The following WDFY1 variants were observed in gnomAD, a reference collection of about 807,000 sequenced individuals.
WDFY1 encodes WD repeat and FYVE domain-containing protein 1.
WDFY1 carries 32 observed loss-of-function variants against 56.4 expected under a neutral mutation model. The observed-to-expected ratio is 0.57, with a 90% CI of 0.43 to 0.76. WDFY1 has a LOEUF of 0.76. WDFY1 is among the 30% of genes least tolerant of loss of function. WDFY1 has a pLI of 0.00. For missense variants in WDFY1, 480 were observed against 545.7 expected, an observed-to-expected ratio of 0.88 and a Z score of 1.20; for synonymous variants, 192 against 197.3, an observed-to-expected ratio of 0.97 and a Z score of 0.23.
At chr2:223,917,514 T>C (rs1198583146) in intron 2 of WDFY1, among the ~76,000 whole-genome samples, 1 of 152,178 alleles carries the variant, frequency 6.6e-6, no homozygotes, top group Non-Finnish European at 1.5e-5. Flanking sequence ...TCAGAGGTAT[T>C]AGGCAACTAA....
At chr2:223,935,453 TAAC>T (rs1198623324) in intron 1 of WDFY1, among the ~76,000 whole-genome samples, 6 of 152,354 alleles carry the variant, frequency 3.9e-5, no homozygotes, top group Admixed American at 6.5e-5. Context: ...AATAATGTCT[TAAC>T]AACTCTCAGA....
chr2:223,879,564 G>A (rs2106068565), intron 11 of WDFY1, among the ~76,000 whole-genome samples: 1 of 152,108 alleles, frequency 6.6e-6, no homozygotes, highest in African/African-American at 2.4e-5. Context: ...GAAGGCTGAG[G>A]TGGGAAGATT....
intron 9 of WDFY1, among the ~76,000 whole-genome samples, chr2:223,882,493 C>T (rs955851847): frequency 6.6e-5 from 10 of 152,160 alleles, no homozygotes; most frequent in African/African-American, 2.2e-4. Flanking sequence ...ATTGCAATCA[C>T]CCCAATTCAA....
chr2:223,886,749 A>AAAG (rs1693181069), intron 8 of WDFY1, among the ~76,000 whole-genome samples: 1 of 150,572 alleles, frequency 6.6e-6, no homozygotes, highest in Non-Finnish European at 1.5e-5. Context: ...AAAAAAAAAA[A>AAAG]GCCTGTTTAA....
At chr2:223,884,804 T>C in intron 8 of WDFY1, 55 bp from the exon 9 acceptor site, 1 of 1,484,784 alleles carries the variant, frequency 6.7e-7, no homozygotes, top group African/African-American at 1.4e-5. Context: ...TACTCCCATG[T>C]TTCAAAATTA....
intron 6 of WDFY1, among the ~76,000 whole-genome samples, chr2:223,897,793 T>G (rs982828957): frequency 2.6e-5 from 4 of 152,026 alleles, no homozygotes; most frequent in African/African-American, 9.7e-5. Flanking sequence ...GTGCTCTCCT[T>G]GAGTCAGTAA....
intron 1 of WDFY1, among the ~76,000 whole-genome samples, chr2:223,931,403 G>T (rs1357398277): frequency 6.6e-6 from 1 of 152,184 alleles, no homozygotes; most frequent in African/African-American, 2.4e-5. Context: ...AGAATAAAGT[G>T]TTTATTCCAG....
chr2:223,890,049 A>G (rs1208701918), intron 8 of WDFY1, among the ~76,000 whole-genome samples: 1 of 152,200 alleles, frequency 6.6e-6, no homozygotes, highest in Non-Finnish European at 1.5e-5. Flanking sequence ...TATGCTCCAC[A>G]CAGCCTCTGT....
chr2:223,880,282 C>T (rs1328304407), intron 10 of WDFY1, 50 bp from the exon 11 acceptor site: 1 of 1,550,158 alleles, frequency 6.5e-7, no homozygotes, highest in Admixed American at 1.7e-5. Flanking sequence ...GTACCTAGAG[C>T]TAGTGGGGTA....
intron 9 of WDFY1, among the ~76,000 whole-genome samples, chr2:223,884,405 C>G (rs1204802549): frequency 2.0e-5 from 3 of 152,156 alleles, no homozygotes; most frequent in African/African-American, 7.2e-5. Flanking sequence ...AATAGGCTCT[C>G]AGGATTTTCT....
In WDFY1 at chr2:223,929,180, CTGTTTTT is replaced by C. The variant is rs770924235; in HGVS notation, c.138-11177_138-11171del. On this transcript the variant is annotated intron_variant, in intron 1 of 11. Transcript: ENST00000233055. ...GTCTAACTTCTTTTTTTTTTTCTTTCTGTTTTTTGTTTTTTTTTTTTTTTGAGACAGA... is the reference window on the plus strand; with the variant it reads ...GTCTAACTTCTTTTTTTTTTTCTTTCTGTTTTTTTTTTTTTTTGAGACAGA... Among the ~76,000 whole-genome samples the C allele has an allele frequency of 5.4e-3, 237 of 43,774 alleles. 4 individuals carry two copies. Among genetic ancestry groups the C allele is most frequent in the Middle Eastern group, 0.043 (3 of 70 alleles). 28.7% of individuals were successfully genotyped at this position (43,774 alleles called of 152,430 possible). A position where few individuals can be genotyped will look rare whatever the true frequency, so the allele number is the denominator to read the frequency against.
chr2:223,908,034 T>A (rs929386191), intron 3 of WDFY1, among the ~76,000 whole-genome samples: 5 of 114,052 alleles, frequency 4.4e-5, no homozygotes, highest in South Asian at 3.5e-4. Flanking sequence ...AATTTTTTTA[T>A]TTTTTGTAGA....
At chr2:223,901,018 T>A in intron 5 of WDFY1, 165 bp downstream of exon 5, 2 of 834,672 alleles carry the variant, frequency 2.4e-6, no homozygotes, top group Non-Finnish European at 3.4e-6. Context: ...AATTGCAATT[T>A]TTGCAATTAC....
chr2:223,920,214 AAG>A (rs1693865951), intron 1 of WDFY1, among the ~76,000 whole-genome samples: 1 of 152,230 alleles, frequency 6.6e-6, no homozygotes, highest in African/African-American at 2.4e-5. Flanking sequence ...GATCTTTAAG[AAG>A]CATCAGCAGC....
chr2:223,925,593 T>A (rs539510147), intron 1 of WDFY1, among the ~76,000 whole-genome samples: 3 of 152,302 alleles, frequency 2.0e-5, no homozygotes, highest in Admixed American at 1.3e-4. Flanking sequence ...AGAAGTTTGT[T>A]GCATCGATTG....
intron 1 of WDFY1, among the ~76,000 whole-genome samples, chr2:223,918,823 C>T (rs1693839376): frequency 1.3e-5 from 2 of 152,206 alleles, no homozygotes; most frequent in South Asian, 4.2e-4. Context: ...GCCACGCACA[C>T]CAGGAGCACA....
intron 10 of WDFY1, among the ~76,000 whole-genome samples, chr2:223,881,686 G>C (rs1693075442): frequency 6.6e-6 from 1 of 152,136 alleles, no homozygotes; most frequent in Admixed American, 6.6e-5. Flanking sequence ...TACTCGGGTG[G>C]CTGAGGCAGG....
At chr2:223,910,747 C>T (rs1042105151) in intron 3 of WDFY1, among the ~76,000 whole-genome samples, 1 of 151,954 alleles carries the variant, frequency 6.6e-6, no homozygotes, top group Non-Finnish European at 1.5e-5. Flanking sequence ...CAAAGCAAAA[C>T]AAAACAAGCA....
intron 1 of WDFY1, among the ~76,000 whole-genome samples, chr2:223,935,918 G>A (rs1019025022): frequency 1.6e-4 from 24 of 152,060 alleles, no homozygotes; most frequent in African/African-American, 5.8e-4. Context: ...GGAGGCAAAG[G>A]CACCCAGGTG....
Sources: allele counts gnomAD v4.1 joint callset (sites outside exome capture counted in the v4.1 genomes callset), GRCh38; gene constraint gnomAD v4.1.1; transcripts MANE v1.5; gene names NCBI Gene and HGNC (gene_info 2026-07-23, HGNC 2026-07-21).